The following ITGAM variants were observed in gnomAD, a reference collection of about 807,000 sequenced individuals.
ITGAM encodes the protein integrin alpha-M.
In ITGAM, 79 loss-of-function variants were observed where a neutral mutation model predicts 137.5. The observed-to-expected ratio is 0.57, with a 90% CI of 0.48 to 0.69. The LOEUF is 0.69. ITGAM is among the 30% of genes least tolerant of loss of function. ITGAM has a pLI of 0.00. For synonymous variants in ITGAM, 583 were observed against 592.3 expected, an observed-to-expected ratio of 0.98 and a Z score of 0.23; for missense variants, 1,343 against 1,483.5, an observed-to-expected ratio of 0.91 and a Z score of 1.56.
chr16:31,323,426 CAA>C (rs201419202), intron 16 of ITGAM, among the ~76,000 whole-genome samples: 60 of 83,990 alleles, frequency 7.1e-4, no homozygotes, highest in South Asian at 1.7e-3. Context: ...AACTCCATTT[CAA>C]AAAAAAAAAA....
At chr16:31,289,683 C>T (rs1424597787) in intron 12 of ITGAM, among the ~76,000 whole-genome samples, 2 of 152,082 alleles carry the variant, frequency 1.3e-5, no homozygotes, top group Non-Finnish European at 2.9e-5. Flanking sequence ...TGCAGCACAC[C>T]AACATGACAC....
In ITGAM at chr16:31,271,067, A is replaced by G. The variant is rs2079834373; in HGVS notation, c.541A>G (p.Lys181Glu). The change falls in exon 6 of 30, where the codon AAA becomes GAA. Residue 181 changes from lysine to glutamate, a missense_variant. Transcript: ENST00000544665. The stretch of plus-strand genomic sequence containing the variant: ...TGTCTCAACTGTGATGGAGCAATTA[A>G]AAAAGTCCAAAACCTTGGTGAGGGC... ...EFVSTVMEQL[K>E]KSKTLFSLMQ... The G allele has an allele frequency of 6.4e-7, 1 of 1,573,830 alleles. No homozygotes were observed. Among genetic ancestry groups the G allele is most frequent in the African/African-American group, 1.4e-5 (1 of 73,804 alleles).
At chr16:31,294,352 T>G (rs1341466727) in intron 12 of ITGAM, among the ~76,000 whole-genome samples, 1 of 152,190 alleles carries the variant, frequency 6.6e-6, no homozygotes, top group African/African-American at 2.4e-5. Context: ...CCATCAAGTA[T>G]GATGTTGGCT....
intron 14 of ITGAM, among the ~76,000 whole-genome samples, chr16:31,302,458 C>CCTTTCTTTCTTT (rs143099983): frequency 1.9e-3 from 216 of 111,872 alleles, no homozygotes; most frequent in Non-Finnish European, 3.0e-3. Flanking sequence ...TTTCTTCCTT[C>CCTTTCTTTCTTT]CTTTCTTTCT....
chr16:31,285,491 C>T (rs1392624303), intron 12 of ITGAM, among the ~76,000 whole-genome samples: 3 of 151,978 alleles, frequency 2.0e-5, no homozygotes, highest in Non-Finnish European at 2.9e-5. Flanking sequence ...AAAAGTTAGC[C>T]AAGCGTGGTG....
chr16:31,300,967 A>G (rs1597012540), intron 14 of ITGAM, among the ~76,000 whole-genome samples: 1 of 152,150 alleles, frequency 6.6e-6, no homozygotes, highest in African/African-American at 2.4e-5. Context: ...AGTTCACTAT[A>G]TATTTTGGAG....
At chr16:31,317,003 A>G (rs1244258298) in intron 14 of ITGAM, among the ~76,000 whole-genome samples, 1 of 152,178 alleles carries the variant, frequency 6.6e-6, no homozygotes, top group Non-Finnish European at 1.5e-5. Flanking sequence ...TAGAGTATTT[A>G]TAACAAGTTT....
intron 5 of ITGAM, among the ~76,000 whole-genome samples, chr16:31,266,417 T>TAAA (rs11331941): frequency 7.7e-6 from 1 of 129,608 alleles, no homozygotes. Context: ...ATCCTGTCTC[T>TAAA]AAAAAAAAAA....
chr16:31,314,724 C>G (rs192310954), intron 14 of ITGAM, among the ~76,000 whole-genome samples: 15 of 151,726 alleles, frequency 9.9e-5, no homozygotes, highest in African/African-American at 3.4e-4. Flanking sequence ...TCTTTTTTGG[C>G]TGCATATGAA....
chr16:31,328,119 C>T (rs746738894), intron 22 of ITGAM, 28 bp from the exon 23 acceptor site: 22 of 1,576,230 alleles, frequency 1.4e-5, no homozygotes, highest in Admixed American at 6.7e-5. Context: ...TTCTCAAGAG[C>T]CGGCTGGAGC....
chr16:31,308,156 G>A (rs891577328), intron 14 of ITGAM, among the ~76,000 whole-genome samples: 1 of 152,148 alleles, frequency 6.6e-6, no homozygotes, highest in African/African-American at 2.4e-5. Context: ...GATGATGCTG[G>A]CCTTATAAAA....
chr16:31,310,926 G>C (rs138167385), intron 14 of ITGAM, among the ~76,000 whole-genome samples: 129 of 152,128 alleles, frequency 8.5e-4, no homozygotes, highest in African/African-American at 2.9e-3. Flanking sequence ...AGGACCTTCA[G>C]CTGCTGGAGA....
At chr16:31,294,262 A>G (rs1315561268) in intron 12 of ITGAM, among the ~76,000 whole-genome samples, 3 of 152,086 alleles carry the variant, frequency 2.0e-5, no homozygotes, top group Non-Finnish European at 4.4e-5. Context: ...TCTGGCTAGA[A>G]CTTCCAATAA....
Position 31,263,867 on chromosome 16 carries a change from G to A in ITGAM, c.135-1528G>A, listed in dbSNP as rs554655689. Among the ~76,000 whole-genome samples, 5 of 148,940 alleles carry A rather than the reference G, an allele frequency of 3.4e-5. No homozygotes were observed. The South Asian group carries it at 6.4e-4, about 19-fold the overall frequency. On this transcript the variant is annotated intron_variant, in intron 2 of 29. Transcript: ENST00000544665. The stretch of plus-strand genomic sequence containing the variant: ...TATTTATTTATTGAGATGGAGTCTC[G>A]CTTTGTCGTCCAGGCTGGAGTGCAG...
intron 22 of ITGAM, chr16:31,327,938 G>GTCGCCGT: frequency 1.8e-6 from 1 of 568,514 alleles, no homozygotes; most frequent in Non-Finnish European, 3.2e-6. Flanking sequence ...GAATTCAGGG[G>GTCGCCGT]ACCAGTTAGA....
chr16:31,266,538 T>G (rs1596970128), intron 5 of ITGAM, among the ~76,000 whole-genome samples: 1 of 145,668 alleles, frequency 6.9e-6, no homozygotes. Context: ...CTGGGCAACA[T>G]AGGGAGATCC....
chr16:31,319,065 A>T (rs2080421419), intron 14 of ITGAM, among the ~76,000 whole-genome samples: 1 of 152,082 alleles, frequency 6.6e-6, no homozygotes, highest in Non-Finnish European at 1.5e-5. Flanking sequence ...GTTGGAAAAG[A>T]TTCTTGATAT....
intron 12 of ITGAM, among the ~76,000 whole-genome samples, chr16:31,286,259 C>T (rs763508079): frequency 1.1e-4 from 16 of 152,072 alleles, no homozygotes; most frequent in Non-Finnish European, 2.1e-4. Flanking sequence ...CTGATAGACA[C>T]CTAGGTTGAT....
rs1343169219 is a variant in ITGAM, at chr16:31,270,742, T to TATA, written c.428-210_428-209insAAT. On this transcript the variant is annotated intron_variant, in intron 5 of 29. Coordinates refer to ENST00000544665, the MANE Select transcript of ITGAM (RefSeq NM_000632.4). ...ATATATATATATATATATATATATA[T>TATA]ATGTTTTTAACGTGTGTATACATAT... 4.2e-3 allele frequency among the ~76,000 whole-genome samples: 459 copies of TATA among 109,880 alleles called. 13 individuals are homozygous for TATA. The highest frequency in any genetic ancestry group is 0.018 in the African/African-American group (444 of 25,226). The allele number at this position is 109,880 out of a possible 152,430, so 72.1% of individuals were successfully genotyped here.
Sources: allele counts gnomAD v4.1 joint callset (sites outside exome capture counted in the v4.1 genomes callset), GRCh38; gene constraint gnomAD v4.1.1; transcripts MANE v1.5; gene names NCBI Gene and HGNC (gene_info 2026-07-23, HGNC 2026-07-21).